Variants in STX8 observed in about 807,000 individuals in gnomAD.
The protein encoded by STX8 is syntaxin-8.
STX8 carries 23 observed loss-of-function variants against 37.5 expected under a neutral mutation model. That is an observed-to-expected ratio of 0.61 (90% CI 0.44 to 0.87). STX8 has a LOEUF of 0.87. Ranked by LOEUF, STX8 falls within the 40% of genes least tolerant of loss-of-function variation. The probability of loss-of-function intolerance (pLI) is 0.00; values close to 1 mark genes in which losing one functional copy is unlikely to be tolerated. For missense variants in STX8, 313 were observed against 284.7 expected, an observed-to-expected ratio of 1.10 and a Z score of -0.71; for synonymous variants, 115 against 99.1, an observed-to-expected ratio of 1.16 and a Z score of -0.95.
intron 6 of STX8, among the ~76,000 whole-genome samples, chr17:9,429,572 G>A (rs1165998699): frequency 7.3e-5 from 10 of 137,736 alleles, no homozygotes; most frequent in Non-Finnish European, 1.5e-4. Flanking sequence ...GCGTGGTGGC[G>A]GGCACCTGTA....
chr17:9,295,321 C>G (rs1488039074), intron 7 of STX8, among the ~76,000 whole-genome samples: 2 of 152,216 alleles, frequency 1.3e-5, no homozygotes, highest in Non-Finnish European at 2.9e-5. Context: ...TCCTATTAGA[C>G]TCCGAGCCCC....
intron 7 of STX8, among the ~76,000 whole-genome samples, chr17:9,370,774 T>A (rs776063377): frequency 2.0e-5 from 3 of 152,214 alleles, no homozygotes; most frequent in Non-Finnish European, 4.4e-5. Context: ...CTATTTTGAA[T>A]TCTAATGAGG....
chr17:9,297,092 T>A (rs982157683), intron 7 of STX8, among the ~76,000 whole-genome samples: 4 of 152,036 alleles, frequency 2.6e-5, no homozygotes, highest in African/African-American at 9.7e-5. Flanking sequence ...TTGGAAGCAT[T>A]TGGCATGGTG....
intron 6 of STX8, among the ~76,000 whole-genome samples, chr17:9,456,947 G>A (rs1386330986): frequency 6.6e-6 from 1 of 152,126 alleles, no homozygotes; most frequent in African/African-American, 2.4e-5. Context: ...GTCCGCCTTA[G>A]ACACAGAACT....
At chr17:9,558,373 G>A (rs1402308557) in intron 2 of STX8, among the ~76,000 whole-genome samples, 1 of 152,126 alleles carries the variant, frequency 6.6e-6, no homozygotes, top group Non-Finnish European at 1.5e-5. Context: ...AGGAAAACCA[G>A]CCAGTGTGTC....
intron 6 of STX8, among the ~76,000 whole-genome samples, chr17:9,458,841 T>C (rs1905264955): frequency 2.0e-5 from 3 of 151,462 alleles, no homozygotes; most frequent in Non-Finnish European, 4.4e-5. Context: ...TTTTTTTTTT[T>C]TTTTTTGAGA....
At chr17:9,528,547 A>G (rs192404253) in intron 4 of STX8, among the ~76,000 whole-genome samples, 17 of 152,250 alleles carry the variant, frequency 1.1e-4, no homozygotes, top group Non-Finnish European at 2.4e-4. Context: ...TGACCTCGTG[A>G]TCCGCCTGCC....
intron 7 of STX8, among the ~76,000 whole-genome samples, chr17:9,308,245 C>T (rs1236170395): frequency 6.6e-6 from 1 of 152,194 alleles, no homozygotes; most frequent in Non-Finnish European, 1.5e-5. Flanking sequence ...GTCTGTGTGA[C>T]ATTCCTTCCT....
chr17:9,349,716 T>G (rs1364625571), intron 7 of STX8, among the ~76,000 whole-genome samples: 2 of 150,798 alleles, frequency 1.3e-5, no homozygotes, highest in African/African-American at 4.9e-5. Context: ...GTAATAAAAG[T>G]TATGTGAATG....
intron 4 of STX8, among the ~76,000 whole-genome samples, chr17:9,521,788 T>C (rs1905346269): frequency 6.6e-6 from 1 of 152,220 alleles, no homozygotes; most frequent in African/African-American, 2.4e-5. Context: ...ATAATCTCCA[T>C]TGAGTATTAG....
intron 5 of STX8, among the ~76,000 whole-genome samples, chr17:9,500,876 G>A (rs1317159526): frequency 6.6e-6 from 1 of 152,064 alleles, no homozygotes; most frequent in African/African-American, 2.4e-5. Context: ...GTGGTGGCGG[G>A]CACCTGTAGT....
chr17:9,534,348 A>G (rs1445639329), intron 4 of STX8, among the ~76,000 whole-genome samples: 1 of 152,080 alleles, frequency 6.6e-6, no homozygotes, highest in African/African-American at 2.4e-5. Flanking sequence ...ACAAACAAAC[A>G]AACAAACAAA....
At chr17:9,284,734 C>A (rs562456668) in intron 7 of STX8, among the ~76,000 whole-genome samples, 1 of 152,296 alleles carries the variant, frequency 6.6e-6, no homozygotes, top group East Asian at 1.9e-4. Flanking sequence ...ATAATAAGGA[C>A]TGACTTTATA....
Position 9,303,774 on chromosome 17 carries a change from T to TCA in STX8, c.644-53131_644-53130dup, listed in dbSNP as rs1336522270. Reference sequence around the variant, plus strand: ...GTAGCCATCTGTAAAAACATACACTTCACACCAGGATAAACTCCAAATGGA... The same window carrying TCA: ...GTAGCCATCTGTAAAAACATACACTTCACACACCAGGATAAACTCCAAATGGA... On this transcript the variant is annotated intron_variant, in intron 7 of 7. Transcript: ENST00000306357. Among the ~76,000 whole-genome samples, 3 of 152,118 alleles carry TCA rather than the reference T, an allele frequency of 2.0e-5. No homozygotes were observed. The South Asian group carries it at 6.2e-4, about 32-fold the overall frequency.
intron 6 of STX8, among the ~76,000 whole-genome samples, chr17:9,488,848 T>TGTG: frequency 1.3e-5 from 1 of 77,996 alleles, no homozygotes; most frequent in African/African-American, 4.7e-5. Context: ...GTGTGTGTGT[T>TGTG]TTGAGAGTCT....
chr17:9,429,764 A>AT (rs375400269), intron 6 of STX8, among the ~76,000 whole-genome samples: 2,627 of 23,790 alleles, frequency 0.11, 1,007 homozygotes, highest in African/African-American at 0.5. Context: ...TATTTTATAT[A>AT]TTATATATAA....
intron 4 of STX8, among the ~76,000 whole-genome samples, chr17:9,518,203 C>T (rs1334711979): frequency 1.3e-5 from 2 of 152,144 alleles, no homozygotes; most frequent in African/African-American, 2.4e-5. Flanking sequence ...CCCCCGTTCA[C>T]TCCTCAACCC....
chr17:9,400,188 C>A (rs1311619947), intron 6 of STX8, among the ~76,000 whole-genome samples: 1 of 151,166 alleles, frequency 6.6e-6, no homozygotes, highest in Non-Finnish European at 1.5e-5. Context: ...CTGCAAGCTC[C>A]GCCTCCCGGG....
chr17:9,556,498 T>C (rs998069513), intron 3 of STX8, among the ~76,000 whole-genome samples: 2 of 151,858 alleles, frequency 1.3e-5, no homozygotes, highest in African/African-American at 4.8e-5. Context: ...CTGGAGTGCT[T>C]TGGCACGATC....
Sources: allele counts gnomAD v4.1 joint callset (sites outside exome capture counted in the v4.1 genomes callset), GRCh38; gene constraint gnomAD v4.1.1; transcripts MANE v1.5; gene names NCBI Gene and HGNC (gene_info 2026-07-23, HGNC 2026-07-21).